The following GPHN variants were observed in gnomAD, a reference collection of about 807,000 sequenced individuals.
GPHN encodes the protein gephyrin.
GPHN carries 17 observed loss-of-function variants against 95.5 expected under a neutral mutation model. The observed-to-expected ratio is 0.18, with a 90% CI of 0.12 to 0.27. The LOEUF (loss-of-function observed/expected upper bound fraction) is 0.27. GPHN is among the 10% of genes least tolerant of loss of function. GPHN has a pLI of 1.00. For synonymous variants in GPHN, 320 were observed against 322.5 expected (o/e 0.99, Z 0.08); for missense variants, 660 against 978.1 (o/e 0.67, Z 4.34).
intron 1 of GPHN, among the ~76,000 whole-genome samples, chr14:66,653,472 G>C (rs918587173): frequency 6.6e-6 from 1 of 152,106 alleles, no homozygotes; most frequent in East Asian, 1.9e-4. Flanking sequence ...GTAATATTTA[G>C]CAAAACAGTA....
chr14:66,957,731 G>T (rs1019241845), intron 8 of GPHN, among the ~76,000 whole-genome samples: 4 of 152,050 alleles, frequency 2.6e-5, no homozygotes, highest in Non-Finnish European at 4.4e-5. Context: ...CTATTGAAGG[G>T]GTCCCCAAGC....
chr14:66,889,990 G>A (rs2064391789), intron 5 of GPHN, among the ~76,000 whole-genome samples: 1 of 152,116 alleles, frequency 6.6e-6, no homozygotes, highest in South Asian at 2.1e-4. Flanking sequence ...ACAATTACAT[G>A]CCAACAAGTT....
At chr14:66,782,574 C>T (rs1451515019) in intron 3 of GPHN, among the ~76,000 whole-genome samples, 1 of 152,176 alleles carries the variant, frequency 6.6e-6, no homozygotes, top group Non-Finnish European at 1.5e-5. Context: ...AATCCCAGCA[C>T]TTTGGGAGGC....
chr14:67,083,094 T>G (rs2076753559), intron 11 of GPHN, among the ~76,000 whole-genome samples: 1 of 152,184 alleles, frequency 6.6e-6, no homozygotes, highest in Non-Finnish European at 1.5e-5. Flanking sequence ...CTATATTTGT[T>G]GCTTTGAGTA....
Position 66,990,607 on chromosome 14 carries a change from A to G in GPHN, c.963+25282A>G, listed in dbSNP as rs564163242. 5.9e-5 allele frequency among the ~76,000 whole-genome samples: 9 copies of G among 152,310 alleles called. No homozygotes were observed. The South Asian group carries it at 1.9e-3, about 32-fold the overall frequency. On this transcript the variant is annotated intron_variant, in intron 9 of 22. Transcript: ENST00000478722. ...GAGTATCATCATAGGTAATCTGGCA[A>G]CTAAGCACATTTGTTCTGAATTAAC...
chr14:67,338,660 AAGATTAGCAGGCTCCAAC>A, the GPHN span: 1 of 1,614,110 alleles, frequency 6.2e-7, no homozygotes, highest in Non-Finnish European at 8.5e-7. Context: ...CTTCAGCCAG[AAGATTAGCAGGCTCCAAC>A]ACCTCTCCAG....
the GPHN span, chr14:67,674,495 A>ATTTTTTAATGATAC: frequency 1.3e-6 from 2 of 1,596,432 alleles, no homozygotes; most frequent in Admixed American, 1.7e-5. Flanking sequence ...GCCATGGCGC[A>ATTTTTTAATGATAC]GGCCGCGCTG....
At chr14:67,562,225 G>A in the GPHN span, 2 of 1,611,976 alleles carry the variant, frequency 1.2e-6, no homozygotes, top group East Asian at 4.5e-5. Context: ...CGGGAATCCA[G>A]CCTATGGGCC....
chr14:67,145,146 A>G (rs183537943), intron 18 of GPHN, among the ~76,000 whole-genome samples: 204 of 152,364 alleles, frequency 1.3e-3, no homozygotes, highest in African/African-American at 4.7e-3. Flanking sequence ...CCATGAAGTC[A>G]GGTCTATTTA....
chr14:67,675,302 G>C, the GPHN span, among the ~76,000 whole-genome samples: 1 of 152,046 alleles, frequency 6.6e-6, no homozygotes, highest in Non-Finnish European at 1.5e-5. Flanking sequence ...GAACCCAGTA[G>C]TTCGAGACCA....
chr14:67,650,667 G>C, the GPHN span: 1 of 1,556,448 alleles, frequency 6.4e-7, no homozygotes, highest in South Asian at 1.1e-5. Context: ...CCCTCACTGA[G>C]AGTAGCAGCA....
chr14:66,967,217 A>G (rs962835369), intron 9 of GPHN, among the ~76,000 whole-genome samples: 1 of 152,002 alleles, frequency 6.6e-6, no homozygotes, highest in African/African-American at 2.4e-5. Flanking sequence ...ATGCTGAATT[A>G]GAATATTAAT....
the GPHN span, among the ~76,000 whole-genome samples, chr14:67,281,109 G>A: frequency 6.6e-6 from 1 of 151,846 alleles, no homozygotes; most frequent in Non-Finnish European, 1.5e-5. Flanking sequence ...ATGTTGGTCA[G>A]GCTGGTCTTC....
chr14:66,521,906 T>TG (rs1266606993), intron 1 of GPHN, among the ~76,000 whole-genome samples: 2 of 151,808 alleles, frequency 1.3e-5, no homozygotes, highest in Non-Finnish European at 2.9e-5. Flanking sequence ...GCAGACAACT[T>TG]TTTTTTTAGA....
intron 10 of GPHN, among the ~76,000 whole-genome samples, chr14:67,037,802 A>G (rs2074497520): frequency 6.6e-6 from 1 of 151,772 alleles, no homozygotes; most frequent in South Asian, 2.1e-4. Context: ...ATAGAAAATA[A>G]CAAGTATTGG....
chr14:67,646,645 TACC>T, the GPHN span: 4 of 1,604,986 alleles, frequency 2.5e-6, no homozygotes, highest in Non-Finnish European at 2.6e-6. Flanking sequence ...CTTTCATAGG[TACC>T]ACAACTCCCA....
the GPHN span, among the ~76,000 whole-genome samples, chr14:67,668,081 T>C: frequency 6.6e-6 from 1 of 152,182 alleles, no homozygotes; most frequent in Non-Finnish European, 1.5e-5. Context: ...CTGAAAATAA[T>C]AGGGTCTTGT....
chr14:67,248,192 A>C, the GPHN span, among the ~76,000 whole-genome samples: 12 of 152,170 alleles, frequency 7.9e-5, no homozygotes, highest in Middle Eastern at 3.2e-3. Context: ...AACAAAAATC[A>C]TTTTGGATTT....
the GPHN span, among the ~76,000 whole-genome samples, chr14:67,413,071 T>C: frequency 6.6e-6 from 1 of 151,890 alleles, no homozygotes; most frequent in Non-Finnish European, 1.5e-5. Context: ...CCTAGAAAAA[T>C]AATATTTTAA....
Sources: gnomAD v4.1 joint callset for allele counts (sites outside exome capture counted in the v4.1 genomes callset) on GRCh38, gnomAD v4.1.1 for gene constraint, MANE v1.5 for transcripts, NCBI Gene and HGNC (gene_info 2026-07-23, HGNC 2026-07-21) for gene names.